Variants in LTF observed in about 807,000 individuals in gnomAD.
LTF encodes epididymis luminal protein 110.
Under a neutral mutation model 87.2 loss-of-function variants are expected in LTF, and 91 were observed. The ratio of observed to expected loss-of-function variants is 1.04; its 90% CI spans 0.88 to 1.24. The LOEUF is 1.24. Ranked by LOEUF, LTF falls within the 50% of genes most tolerant of loss-of-function variation. LTF has a pLI of 0.00. For synonymous variants in LTF, 378 were observed against 356.1 expected (o/e 1.06, Z -0.69); for missense variants, 901 against 904.3 (o/e 1.00, Z 0.05).
At chr3:46,463,993 G>T (rs1249032508) in intron 1 of LTF, among the ~76,000 whole-genome samples, 1 of 152,130 alleles carries the variant, frequency 6.6e-6, no homozygotes, top group Admixed American at 6.5e-5. Context: ...GCTGCACTGG[G>T]CTGGGGAGGT....
At chr3:46,472,552 G>A (rs1436733056) in intron 1 of LTF, among the ~76,000 whole-genome samples, 2 of 150,768 alleles carry the variant, frequency 1.3e-5, no homozygotes, top group Non-Finnish European at 3.0e-5. Flanking sequence ...GAGAGAGAGA[G>A]AGAAGTTCTT....
At chr3:46,458,807 T>C (rs956220105) in intron 2 of LTF, among the ~76,000 whole-genome samples, 1 of 152,212 alleles carries the variant, frequency 6.6e-6, no homozygotes, top group Non-Finnish European at 1.5e-5. Context: ...ACTACTGACC[T>C]CAGGTGATCC....
At chr3:46,451,593 A>G (rs1335059075) in intron 6 of LTF, among the ~76,000 whole-genome samples, 1 of 152,046 alleles carries the variant, frequency 6.6e-6, no homozygotes, top group Admixed American at 6.5e-5. Context: ...TAGAATCGGT[A>G]AAGTTTTTTT....
intron 1 of LTF, 21 bp downstream of exon 1, chr3:46,464,804 C>T (rs762947069): frequency 3.1e-6 from 5 of 1,613,402 alleles, no homozygotes; most frequent in Non-Finnish European, 4.2e-6. Flanking sequence ...GCGGCTCGCG[C>T]CCCCAGGCAC....
chr3:46,465,491 C>T (rs564394227), upstream of LTF, among the ~76,000 whole-genome samples: 1 of 152,310 alleles, frequency 6.6e-6, no homozygotes, highest in East Asian at 1.9e-4. Context: ...CAATACAGCT[C>T]CCAGAAAACA....
At chr3:46,451,569 A>G (rs1702804380) in intron 6 of LTF, among the ~76,000 whole-genome samples, 2 of 152,192 alleles carry the variant, frequency 1.3e-5, no homozygotes, top group Admixed American at 1.3e-4. Context: ...CAGCCTCAGA[A>G]AAATAGTAAT....
At chr3:46,447,508 C>A in intron 9 of LTF, 110 bp from the exon 10 acceptor site, 1 of 780,942 alleles carries the variant, frequency 1.3e-6, no homozygotes. Context: ...AGTGAAACAG[C>A]AGAAAGAGAT....
chr3:46,445,883 C>T (rs1192859568), intron 11 of LTF, among the ~76,000 whole-genome samples: 2 of 152,252 alleles, frequency 1.3e-5, no homozygotes, highest in Admixed American at 6.5e-5. Context: ...TCCCCAGGGA[C>T]TGCCCTGAGC....
At chr3:46,441,228 G>T (rs191984918) in intron 14 of LTF, among the ~76,000 whole-genome samples, 188 bp downstream of exon 14, 1 of 151,896 alleles carries the variant, frequency 6.6e-6, no homozygotes, top group Non-Finnish European at 1.5e-5. Context: ...TATGAATTTC[G>T]TTTCAAAATC....
chr3:46,455,584 G>A lies in LTF; in HGVS notation c.500-142C>T, dbSNP rs113497936. ...GACTCTGTCATGGGGCTGGGAGCTC[G>A]AGACATGCACCTCTGCCGAGAGCAG... On this transcript the variant is annotated intron_variant, in intron 4 of 16. Coordinates refer to ENST00000231751, the MANE Select transcript of LTF (RefSeq NM_002343.6). 348 of 1,173,866 alleles carry A rather than the reference G, an allele frequency of 3.0e-4. 1 individual carries two copies. In the African/African-American group the frequency reaches 4.2e-3, roughly 14 times the overall value. 72.7% of individuals were successfully genotyped at this position (1,173,866 alleles called of 1,614,324 possible). A position where few individuals can be genotyped will look rare whatever the true frequency, so the allele number is the denominator to read the frequency against.
At chr3:46,447,553 G>A (rs536313486) in intron 9 of LTF, among the ~76,000 whole-genome samples, 155 bp from the exon 10 acceptor site, 2 of 152,334 alleles carry the variant, frequency 1.3e-5, no homozygotes, top group Admixed American at 6.5e-5. Context: ...AGGAAACACC[G>A]TGTGCACCAC....
intron 1 of LTF, chr3:46,460,485 A>G: frequency 4.5e-6 from 2 of 444,648 alleles, no homozygotes; most frequent in Admixed American, 4.9e-5. Context: ...TTTTTGCTCA[A>G]ATACTGGTTC....
chr3:46,436,579 C>A (rs891295460), intron 16 of LTF, among the ~76,000 whole-genome samples: 3 of 152,216 alleles, frequency 2.0e-5, no homozygotes, highest in Non-Finnish European at 4.4e-5. Flanking sequence ...ATCATGTTCA[C>A]CTGCAGATTC....
rs766668967 is a variant in LTF, at chr3:46,459,672, C to T, written c.191G>A (p.Cys64Tyr). 5 of 1,530,924 alleles carry T rather than the reference C, an allele frequency of 3.3e-6. No individual in the cohort carries two copies. Among genetic ancestry groups the T allele is most frequent in the African/African-American group, 1.4e-5 (1 of 69,768 alleles). 94.8% of individuals were successfully genotyped at this position (1,530,924 alleles called of 1,614,324 possible). A position where few individuals can be genotyped will look rare whatever the true frequency, so the allele number is the denominator to read the frequency against. Residue 64 changes from cysteine (C) to tyrosine (Y), a missense_variant, in exon 2 of 17, where the codon TGT becomes TAT. By Grantham distance (194) the Cys-to-Tyr change is radical (BLOSUM62 -2). Coordinates refer to ENST00000231751, the MANE Select transcript of LTF (RefSeq NM_002343.6). The part of the protein sequence containing the change: ...SCIKRDSPIQ[C>Y]IQAIAENRAD... ...TTGACTCACCGCAATGGCCTGGATA[C>T]ACTGGATGGGGGAGTCTCTCTTTAT...
intron 7 of LTF, 91 bp downstream of exon 7, chr3:46,450,404 A>G: frequency 7.4e-7 from 1 of 1,358,708 alleles, no homozygotes; most frequent in Non-Finnish European, 1.0e-6. Flanking sequence ...AAGCTACAGG[A>G]CTTCTGGAGT....
At chr3:46,454,207 C>A in intron 6 of LTF, 98 bp downstream of exon 6, 1 of 1,019,920 alleles carries the variant, frequency 9.8e-7, no homozygotes, top group Non-Finnish European at 1.6e-6. Context: ...TGAAAATGGT[C>A]TGCCATGAAC....
At chr3:46,472,527 T>TGAGA (rs374266932) in intron 1 of LTF, among the ~76,000 whole-genome samples, 28 of 130,826 alleles carry the variant, frequency 2.1e-4, no homozygotes, top group African/African-American at 2.7e-4. Context: ...TGTGTGTGTG[T>TGAGA]GAGAGAGAGA....
upstream of LTF, among the ~76,000 whole-genome samples, chr3:46,465,421 G>C (rs958079439): frequency 2.6e-5 from 4 of 152,222 alleles, no homozygotes; most frequent in Admixed American, 2.6e-4. Flanking sequence ...AGAAAAGAGA[G>C]GCTGCCCAGA....
intron 1 of LTF, among the ~76,000 whole-genome samples, chr3:46,482,564 G>A (rs1317606712): frequency 0.043 from 4,723 of 109,874 alleles, 1,328 homozygotes; most frequent in East Asian, 0.089. Flanking sequence ...GGAAGGGAAG[G>A]GAAGGGAAAG....
Sources: gnomAD v4.1 joint callset for allele counts (sites outside exome capture counted in the v4.1 genomes callset) on GRCh38, gnomAD v4.1.1 for gene constraint, MANE v1.5 for transcripts, NCBI Gene and HGNC (gene_info 2026-07-23, HGNC 2026-07-21) for gene names.